CYP11A1: variants seen among roughly 807,000 people sequenced by gnomAD.
CYP11A1 encodes cholesterol side-chain cleavage enzyme, mitochondrial.
Under a neutral mutation model 51.9 loss-of-function variants are expected in CYP11A1, and 25 were observed. The ratio of observed to expected loss-of-function variants is 0.48; its 90% CI spans 0.35 to 0.67. CYP11A1 has a LOEUF of 0.67. Ranked by LOEUF, CYP11A1 falls within the 30% of genes least tolerant of loss-of-function variation. CYP11A1 has a pLI of 0.00. For synonymous variants in CYP11A1, 245 were observed against 262.1 expected, an observed-to-expected ratio of 0.93 and a Z score of 0.63; for missense variants, 578 against 680.9, an observed-to-expected ratio of 0.85 and a Z score of 1.68.
chr15:74,345,118 C>G lies in CYP11A1; in HGVS notation c.551G>C (p.Arg184Thr). ...TCCGGAGCCCGCCTTCTTGATGCGC[C>G]TGTGCAGGACACTGACGAAGTCCCG... ...VSRDFVSVLH[R>T]RIKKAGSGNY... Residue 184 changes from arginine to threonine, a missense_variant, in exon 3 of 9, where the codon AGG (arginine) becomes ACG (threonine). Coordinates refer to ENST00000268053, the MANE Select transcript of CYP11A1 (RefSeq NM_000781.3). This position sits in a 1 kb window ranked among gnomAD's most constrained non-coding sequence, Gnocchi z 4.3. 6.2e-7 allele frequency: 1 copy of G among 1,614,208 alleles called. No individual in the cohort carries two copies. Among genetic ancestry groups the G allele is most frequent in the Non-Finnish European group, 8.5e-7 (1 of 1,180,032 alleles).
intron 1 of CYP11A1, chr15:74,365,591 G>A: frequency 1.3e-6 from 1 of 774,248 alleles, no homozygotes; most frequent in Non-Finnish European, 1.6e-6. Context: ...AAGGGAGTGG[G>A]ATCTGGGGAA....
chr15:74,357,425 C>T (rs184905053), intron 1 of CYP11A1, among the ~76,000 whole-genome samples: 5 of 152,202 alleles, frequency 3.3e-5, no homozygotes, highest in African/African-American at 1.2e-4. Flanking sequence ...CTCACAAACC[C>T]TAACCCCTTC....
chr15:74,340,743 C>T (rs981161359), intron 5 of CYP11A1, among the ~76,000 whole-genome samples: 4 of 152,146 alleles, frequency 2.6e-5, no homozygotes, highest in African/African-American at 9.7e-5. Flanking sequence ...AGCTTAAAAT[C>T]CTTGCCTGGC....
chr15:74,339,149 G>C (rs994918944), intron 7 of CYP11A1, 88 bp downstream of exon 7: 2 of 1,141,202 alleles, frequency 1.8e-6, no homozygotes, highest in African/African-American at 3.0e-5. Context: ...GGCCCCACCA[G>C]GGCCCCAGTG....
chr15:74,345,418 T>C lies in CYP11A1; in HGVS notation c.426-175A>G. 1 of 657,476 alleles carries C rather than the reference T, an allele frequency of 1.5e-6. No homozygotes were observed. The highest frequency in any genetic ancestry group is 1.8e-5 in the South Asian group (1 of 55,204). 40.7% of individuals were successfully genotyped at this position (657,476 alleles called of 1,614,324 possible). A position where few individuals can be genotyped will look rare whatever the true frequency, so the allele number is the denominator to read the frequency against. On this transcript the variant is annotated intron_variant, in intron 2 of 8. Coordinates refer to ENST00000268053, the MANE Select transcript of CYP11A1 (RefSeq NM_000781.3). The surrounding 1 kb of genome is among the most constrained non-coding windows in gnomAD (Gnocchi z 4.3). ...CACCCTCTGCCTCTCACCTCCTCCCTGCTCTGCCTGGCTGGGAGAAGAGAA... is the reference window on the plus strand; with the variant it reads ...CACCCTCTGCCTCTCACCTCCTCCCCGCTCTGCCTGGCTGGGAGAAGAGAA...
chr15:74,344,900 G>T (rs1237944995), intron 3 of CYP11A1, 144 bp downstream of exon 3: 6 of 815,496 alleles, frequency 7.4e-6, no homozygotes, highest in East Asian at 5.3e-5. Flanking sequence ...TGAGTAGCAG[G>T]CAGTGGAGGA....
chr15:74,352,918 C>T (rs1010778171), intron 1 of CYP11A1, among the ~76,000 whole-genome samples: 1 of 152,142 alleles, frequency 6.6e-6, no homozygotes, highest in African/African-American at 2.4e-5. Flanking sequence ...ATTTTTGGCA[C>T]TCATTTAATA....
chr15:74,358,471 C>G (rs2060692074), intron 1 of CYP11A1, among the ~76,000 whole-genome samples: 1 of 152,194 alleles, frequency 6.6e-6, no homozygotes, highest in African/African-American at 2.4e-5. Context: ...CCTCTCATTT[C>G]CTTTCCATCA....
intron 1 of CYP11A1, among the ~76,000 whole-genome samples, chr15:74,351,609 A>T (rs2141239804): frequency 6.6e-6 from 1 of 152,276 alleles, no homozygotes; most frequent in Non-Finnish European, 1.5e-5. Flanking sequence ...CCACAGGAGG[A>T]TGCTCTGTGG....
intron 1 of CYP11A1, among the ~76,000 whole-genome samples, chr15:74,360,018 T>C (rs1168646309): frequency 1.3e-5 from 2 of 152,236 alleles, no homozygotes; most frequent in African/African-American, 4.8e-5. Context: ...TTAGCAATAG[T>C]TGGGAAATAA....
chr15:74,359,587 CCCTGCCCG>C (rs1024632817), intron 1 of CYP11A1: 3 of 152,184 alleles, frequency 2.0e-5, no homozygotes, highest in Non-Finnish European at 4.4e-5. Context: ...ACCTTGTGTC[CCCTGCCCG>C]TGCCTGCCAA....
rs1567052773 is a variant in CYP11A1 at position 74,343,933 on chromosome 15, C to CG, written c.684dup (p.Glu229ArgfsTer7). The CG allele has an allele frequency of 6.2e-7, 1 of 1,614,098 alleles. No homozygotes were observed. Among genetic ancestry groups the CG allele is most frequent in the Non-Finnish European group, 8.5e-7 (1 of 1,180,020 alleles). On this transcript the variant is annotated frameshift_variant, in exon 4 of 9. Coordinates refer to ENST00000268053, the MANE Select transcript of CYP11A1 (RefSeq NM_000781.3). LOFTEE classifies it high-confidence loss of function. The stretch of plus-strand genomic sequence containing the variant: ...ATGGCATCAATGAATCGCTGGGCCT[C>CG]GGGGTTCACTACTTCCTCCAGCATC...
At chr15:74,352,537 G>A (rs1183875517) in intron 1 of CYP11A1, among the ~76,000 whole-genome samples, 1 of 152,104 alleles carries the variant, frequency 6.6e-6, no homozygotes, top group Non-Finnish European at 1.5e-5. Context: ...CCAAAGCACT[G>A]GGATTACAGG....
chr15:74,341,633 C>T (rs557965716), intron 5 of CYP11A1, among the ~76,000 whole-genome samples: 1 of 152,322 alleles, frequency 6.6e-6, no homozygotes, highest in Non-Finnish European at 1.5e-5. Context: ...CTGCAGTGTG[C>T]TATTCCTCCG....
rs776448335 is a variant in CYP11A1, at chr15:74,339,359, G to T, written c.1158-44C>A. The T allele has an allele frequency of 3.2e-6, 5 of 1,583,854 alleles. No individual in the cohort carries two copies. The Admixed American group carries it at 5.0e-5, about 16-fold the overall frequency. On this transcript the variant is annotated intron_variant, in intron 6 of 8. Coordinates refer to ENST00000268053, the MANE Select transcript of CYP11A1 (RefSeq NM_000781.3). Reference sequence around the variant, plus strand: ...CAGAAGCTGATGGCCCCAAAGGCTGGACACAGCCGCCGGAGCCCCACACCC... The same window carrying T: ...CAGAAGCTGATGGCCCCAAAGGCTGTACACAGCCGCCGGAGCCCCACACCC...
At chr15:74,341,530 G>C (rs1266102173) in intron 5 of CYP11A1, among the ~76,000 whole-genome samples, 1 of 152,122 alleles carries the variant, frequency 6.6e-6, no homozygotes, top group Non-Finnish European at 1.5e-5. Flanking sequence ...TTGAATTTTA[G>C]CTCCTCTGTG....
intron 5 of CYP11A1, among the ~76,000 whole-genome samples, chr15:74,339,985 T>C (rs2060599145): frequency 6.6e-6 from 1 of 152,224 alleles, no homozygotes. Flanking sequence ...GCAGCACTTG[T>C]CCCTGCCCTC....
At position 74,345,261 on chromosome 15, in the gene CYP11A1, C is replaced by T; in HGVS notation, c.426-18G>A. The T allele has an allele frequency of 6.2e-7, 1 of 1,614,050 alleles. No homozygotes were observed. Among genetic ancestry groups the T allele is most frequent in the Non-Finnish European group, 8.5e-7 (1 of 1,179,926 alleles). ...CCGACTTCCTGAGAAAACATGGGCC[C>T]ACAAGCCCTCATGGTCACAGACCCC... On this transcript the variant is annotated intron_variant, in intron 2 of 8. Transcript: ENST00000268053. This position sits in a 1 kb window ranked among gnomAD's most constrained non-coding sequence, Gnocchi z 4.3.
chr15:74,342,727 A>G (rs2060612805), intron 5 of CYP11A1, among the ~76,000 whole-genome samples: 1 of 152,148 alleles, frequency 6.6e-6, no homozygotes, highest in Admixed American at 6.5e-5. Context: ...CCTCACCACC[A>G]TGCCCGGCCA....
Sources: gnomAD v4.1 joint callset for allele counts (sites outside exome capture counted in the v4.1 genomes callset) on GRCh38, gnomAD v4.1.1 for gene constraint, Gnocchi (gnomAD v3.1) non-coding constraint, MANE v1.5 for transcripts, NCBI Gene and HGNC (gene_info 2026-07-23, HGNC 2026-07-21) for gene names.